Variants in RB1 observed in about 807,000 individuals in gnomAD.
RB1 encodes RB transcriptional corepressor 1.
In RB1, 18 loss-of-function variants were observed where a neutral mutation model predicts 135.4. The ratio of observed to expected loss-of-function variants is 0.13; its 90% CI spans 0.09 to 0.20. The LOEUF (loss-of-function observed/expected upper bound fraction) is 0.20, where lower values mean the gene tolerates loss of function less well. RB1 is among the 10% of genes least tolerant of loss of function. RB1 has a pLI of 1.00. For missense variants in RB1, 868 were observed against 1,110.0 expected, an observed-to-expected ratio of 0.78 and a Z score of 3.10; for synonymous variants, 365 against 373.2, an observed-to-expected ratio of 0.98 and a Z score of 0.25.
intron 8 of RB1, among the ~76,000 whole-genome samples, chr13:48,364,393 G>A (rs1376356035): frequency 6.6e-6 from 1 of 152,136 alleles, no homozygotes; most frequent in African/African-American, 2.4e-5. Flanking sequence ...TTTGTTAACA[G>A]ATGACATAAA....
intron 16 of RB1, among the ~76,000 whole-genome samples, 194 bp from the exon 17 acceptor site, chr13:48,381,053 A>T (rs974711058): frequency 7.2e-5 from 11 of 152,238 alleles, no homozygotes; most frequent in African/African-American, 2.6e-4. Flanking sequence ...TCTAGGAAAA[A>T]CACAGATTTG....
intron 12 of RB1, among the ~76,000 whole-genome samples, chr13:48,374,700 GC>G (rs1289223887): frequency 6.6e-6 from 1 of 152,064 alleles, no homozygotes; most frequent in Non-Finnish European, 1.5e-5. Flanking sequence ...AGAATGATAA[GC>G]CCTTTCTTCT....
At position 48,325,757 on chromosome 13, in the gene RB1, T is replaced by G. The variant is rs537746808; in HGVS notation, c.265-16842T>G. Among the ~76,000 whole-genome samples the G allele has an allele frequency of 2.6e-5, 4 of 152,306 alleles. No individual in the cohort carries two copies. In the South Asian group the frequency reaches 8.3e-4, roughly 32 times the overall value. On this transcript the variant is annotated intron_variant, in intron 2 of 26. Coordinates refer to ENST00000267163, the MANE Select transcript of RB1 (RefSeq NM_000321.3). ...ATTTCATTGTTGAGAGACATTTAGT[T>G]TGTTTTTGAATGTGTAATACTACAA...
chr13:48,334,767 A>C (rs942833385), intron 2 of RB1, among the ~76,000 whole-genome samples: 1 of 152,178 alleles, frequency 6.6e-6, no homozygotes, highest in Non-Finnish European at 1.5e-5. Flanking sequence ...TAAAAAAGCG[A>C]GTATAAGTTG....
At chr13:48,444,854 G>A (rs1271879311) in intron 17 of RB1, 2 of 152,226 alleles carry the variant, frequency 1.3e-5, no homozygotes, top group African/African-American at 2.4e-5. Flanking sequence ...ACAGGTTAAA[G>A]GAGGGCAAGA....
At chr13:48,332,438 A>G (rs1952346247) in intron 2 of RB1, among the ~76,000 whole-genome samples, 1 of 152,116 alleles carries the variant, frequency 6.6e-6, no homozygotes, top group Admixed American at 6.5e-5. Flanking sequence ...AGGCGGTGAC[A>G]TGTACTTGTA....
chr13:48,417,961 G>A (rs1948941329), intron 17 of RB1, among the ~76,000 whole-genome samples: 2 of 152,112 alleles, frequency 1.3e-5, no homozygotes, highest in African/African-American at 4.8e-5. Flanking sequence ...CACTCTTCAG[G>A]ATATTATCCA....
rs2138358831 is a variant in RB1 at position 48,476,698 on chromosome 13, T to C, written c.2521-3T>C. On this transcript the variant is annotated splice_region_variant and splice_polypyrimidine_tract_variant and intron_variant, in intron 24 of 26. Transcript: ENST00000267163. ...TTAAAGTAAAGAATTCTGTAATTTG[T>C]AGACTTCTGAGAAGTTCCAGAAAAT... 1 of 1,611,812 alleles carries C rather than the reference T, an allele frequency of 6.2e-7. No individual in the cohort carries two copies. The highest frequency in any genetic ancestry group is 8.5e-7 in the Non-Finnish European group (1 of 1,178,140).
intron 17 of RB1, among the ~76,000 whole-genome samples, chr13:48,427,107 C>G (rs183591587): frequency 1.1e-4 from 17 of 152,346 alleles, no homozygotes; most frequent in African/African-American, 4.1e-4. Flanking sequence ...ATCCACCCCC[C>G]TGATGTAGTC....
chr13:48,422,365 C>A (rs537568912), intron 17 of RB1, among the ~76,000 whole-genome samples: 1 of 151,906 alleles, frequency 6.6e-6, no homozygotes, highest in Admixed American at 6.6e-5. Context: ...CGGGGCCTGT[C>A]GGGGTTGGGG....
intron 8 of RB1, among the ~76,000 whole-genome samples, chr13:48,363,274 G>C (rs1241051561): frequency 3.3e-5 from 5 of 151,852 alleles, no homozygotes; most frequent in African/African-American, 1.2e-4. Context: ...GCCAAGGCTG[G>C]GCATGGTGGC....
chr13:48,340,547 G>T (rs1593433073), intron 2 of RB1, among the ~76,000 whole-genome samples: 1 of 147,814 alleles, frequency 6.8e-6, no homozygotes, highest in Non-Finnish European at 1.5e-5. Context: ...CTAAATTTTA[G>T]CAACTTTCGC....
rs1444000142 is a variant in RB1 at position 48,317,371 on chromosome 13, T to A, written c.264+9965T>A. 3.5e-5 allele frequency: 13 copies of A among 374,388 alleles called. No homozygotes were observed. The South Asian group carries it at 6.1e-4, about 18-fold the overall frequency. The allele number at this position is 374,388 out of a possible 1,614,324, so 23.2% of individuals were successfully genotyped here. ...CCGCCTCCACTCCGCATCTCTACTT[T>A]CCGAGCGCAGCGCGCACGGGTTCCG... On this transcript the variant is annotated intron_variant, in intron 2 of 26. Coordinates refer to ENST00000267163, the MANE Select transcript of RB1 (RefSeq NM_000321.3).
At chr13:48,411,459 G>A in intron 17 of RB1, 1 of 1,613,150 alleles carries the variant, frequency 6.2e-7, no homozygotes, top group Non-Finnish European at 8.5e-7. Context: ...AAAATTCTCT[G>A]CACCATGAAC....
chr13:48,343,600 T>G (rs1173495881), intron 3 of RB1, among the ~76,000 whole-genome samples: 1 of 152,192 alleles, frequency 6.6e-6, no homozygotes, highest in Non-Finnish European at 1.5e-5. Context: ...CTTCCTTGTT[T>G]TCTTCCCTTA....
chr13:48,384,192 A>C (rs765577742), intron 17 of RB1, among the ~76,000 whole-genome samples: 3 of 152,146 alleles, frequency 2.0e-5, no homozygotes, highest in Non-Finnish European at 4.4e-5. Flanking sequence ...TGGAAGTCAT[A>C]AGCCTCTGAA....
At chr13:48,402,413 G>A (rs185416304) in intron 17 of RB1, among the ~76,000 whole-genome samples, 39 of 109,322 alleles carry the variant, frequency 3.6e-4, no homozygotes, top group Admixed American at 6.2e-4. Context: ...GTCTCACTCT[G>A]TTTTCCCAGG....
In RB1 at chr13:48,459,845, A is replaced by C. The variant is rs1949385332; in HGVS notation, c.2106+12A>C. 1 of 1,607,680 alleles carries C rather than the reference A, an allele frequency of 6.2e-7. No individual in the cohort carries two copies. Among genetic ancestry groups the C allele is most frequent in the Non-Finnish European group, 8.5e-7 (1 of 1,175,008 alleles). On this transcript the variant is annotated intron_variant, in intron 20 of 26. Coordinates refer to ENST00000267163, the MANE Select transcript of RB1 (RefSeq NM_000321.3). The stretch of plus-strand genomic sequence containing the variant: ...GGCATTTGGACCAAGTAAGAAAATC[A>C]AGCACTTCACCTTCTCTCCTCCCTA...
At chr13:48,442,526 C>T (rs1356286527) in intron 17 of RB1, among the ~76,000 whole-genome samples, 1 of 152,140 alleles carries the variant, frequency 6.6e-6, no homozygotes, top group Non-Finnish European at 1.5e-5. Context: ...AACTTTCCTA[C>T]TGTACTTAGG....
Sources: gnomAD v4.1 joint callset for allele counts (sites outside exome capture counted in the v4.1 genomes callset) on GRCh38, gnomAD v4.1.1 for gene constraint, MANE v1.5 for transcripts, NCBI Gene and HGNC (gene_info 2026-07-23, HGNC 2026-07-21) for gene names.